Variants in ZNF804B observed in about 807,000 individuals in gnomAD.
The protein encoded by ZNF804B is zinc finger 804B.
Under a neutral mutation model 101.4 loss-of-function variants are expected in ZNF804B, and 80 were observed. The ratio of observed to expected loss-of-function variants is 0.79; its 90% CI spans 0.66 to 0.95. ZNF804B has a LOEUF of 0.95. Among genes scored for constraint, ZNF804B ranks in the 40% least tolerant of loss-of-function variants. The pLI, the probability that ZNF804B is intolerant of heterozygous loss-of-function variation, is 0.00. For missense variants in ZNF804B, 1,673 were observed against 1,561.9 expected (o/e 1.07, Z -1.20); for synonymous variants, 622 against 558.8 (o/e 1.11, Z -1.59).
chr7:89,320,636 T>G (rs956183859), intron 2 of ZNF804B, among the ~76,000 whole-genome samples: 4 of 151,988 alleles, frequency 2.6e-5, no homozygotes, highest in Non-Finnish European at 5.9e-5. Context: ...TTACCAAAAT[T>G]AATAAAAGAT....
At chr7:89,332,811 T>C (rs1791006953) in intron 3 of ZNF804B, among the ~76,000 whole-genome samples, 1 of 151,868 alleles carries the variant, frequency 6.6e-6, no homozygotes, top group South Asian at 2.1e-4. Flanking sequence ...ATGCATTTAT[T>C]ATAATTAGTC....
intron 2 of ZNF804B, among the ~76,000 whole-genome samples, chr7:89,219,324 G>T (rs529029579): frequency 3.3e-5 from 5 of 149,650 alleles, no homozygotes; most frequent in Non-Finnish European, 5.9e-5. Context: ...CTCAATAAAA[G>T]ATTACATTTT....
chr7:89,238,422 G>A (rs543358868), intron 2 of ZNF804B, among the ~76,000 whole-genome samples: 1 of 152,230 alleles, frequency 6.6e-6, no homozygotes, highest in Admixed American at 6.5e-5. Flanking sequence ...AATCATTTTA[G>A]TGGGTTGCAA....
chr7:89,251,028 G>T (rs578101623), intron 2 of ZNF804B, among the ~76,000 whole-genome samples: 71 of 152,274 alleles, frequency 4.7e-4, no homozygotes, highest in African/African-American at 1.6e-3. Flanking sequence ...TTGAGAACTG[G>T]AACAAGGCAA....
Position 89,334,303 on chromosome 7 carries a change from C to G in ZNF804B, c.1321C>G (p.Leu441Val), listed in dbSNP as rs1791037149. The G allele has an allele frequency of 5.6e-6, 9 of 1,613,870 alleles. No individual in the cohort carries two copies. In the East Asian group the frequency reaches 8.9e-5, roughly 16 times the overall value. ...ACTHNVASKP[L>V]PFLHVQSKDG... is the part of the protein sequence containing the mutation. ...TACCCATAATGTGGCATCTAAACCA[C>G]TACCTTTTCTCCACGTTCAAAGCAA... The change falls in exon 4 of 4, where the codon CTA becomes GTA. Residue 441 changes from leucine to valine, a missense_variant. Transcript: ENST00000333190.
chr7:89,027,657 G>A (rs888766685), intron 1 of ZNF804B, among the ~76,000 whole-genome samples: 1 of 152,122 alleles, frequency 6.6e-6, no homozygotes, highest in Non-Finnish European at 1.5e-5. Context: ...CCTCTCCCAG[G>A]TGGGTCTGCA....
intron 1 of ZNF804B, among the ~76,000 whole-genome samples, chr7:89,063,678 T>C (rs1415734174): frequency 6.6e-6 from 1 of 152,152 alleles, no homozygotes; most frequent in Admixed American, 6.5e-5. Flanking sequence ...TTTAAAATAT[T>C]TTCTTTGTTT....
Position 89,179,968 on chromosome 7 carries a change from C to G in ZNF804B, c.109-38187C>G, listed in dbSNP as rs190491321. ...AATTACCCAGATTATCATTCAGAGTCTCTTGTCCTCTTCCCTTACCTTTTC... is the reference window on the plus strand; with the variant it reads ...AATTACCCAGATTATCATTCAGAGTGTCTTGTCCTCTTCCCTTACCTTTTC... On this transcript the variant is annotated intron_variant, in intron 1 of 3. Coordinates refer to ENST00000333190, the MANE Select transcript of ZNF804B (RefSeq NM_181646.5). Among the ~76,000 whole-genome samples the G allele has an allele frequency of 2.0e-5, 3 of 152,258 alleles. No homozygotes were observed. In the East Asian group the frequency reaches 5.8e-4, roughly 29 times the overall value.
At chr7:89,276,046 T>C (rs1156826233) in intron 2 of ZNF804B, among the ~76,000 whole-genome samples, 2 of 151,908 alleles carry the variant, frequency 1.3e-5, no homozygotes, top group Non-Finnish European at 2.9e-5. Flanking sequence ...GAAGCCATTA[T>C]CCTTAGCAAA....
chr7:89,067,129 A>T (rs984151882), intron 1 of ZNF804B, among the ~76,000 whole-genome samples: 1 of 152,166 alleles, frequency 6.6e-6, no homozygotes, highest in Non-Finnish European at 1.5e-5. Context: ...CGATCAATCT[A>T]TCTGTCTACC....
chr7:89,018,034 T>G (rs1788598883), intron 1 of ZNF804B, among the ~76,000 whole-genome samples: 1 of 152,124 alleles, frequency 6.6e-6, no homozygotes, highest in Non-Finnish European at 1.5e-5. Flanking sequence ...TTGTTCGAGC[T>G]AGGATTTTCA....
chr7:88,771,617 G>A (rs1790065074), intron 1 of ZNF804B, among the ~76,000 whole-genome samples: 1 of 152,036 alleles, frequency 6.6e-6, no homozygotes, highest in East Asian at 1.9e-4. Context: ...ACTGGCCAAA[G>A]CAAACTTACT....
At chr7:89,074,154 G>C (rs191383095) in intron 1 of ZNF804B, among the ~76,000 whole-genome samples, 89 of 152,274 alleles carry the variant, frequency 5.8e-4, no homozygotes, top group African/African-American at 2.0e-3. Context: ...GTTCATTTAC[G>C]TGAGCCAATA....
At chr7:88,799,270 A>T (rs144771687) in intron 1 of ZNF804B, among the ~76,000 whole-genome samples, 10 of 152,242 alleles carry the variant, frequency 6.6e-5, no homozygotes, top group African/African-American at 2.4e-4. Context: ...TGTGCCATGC[A>T]CTAGATACTT....
In ZNF804B at chr7:89,186,664, G is replaced by A. The variant is rs528185161; in HGVS notation, c.109-31491G>A. Among the ~76,000 whole-genome samples, 8 of 151,330 alleles carry A rather than the reference G, an allele frequency of 5.3e-5. No individual in the cohort carries two copies. The East Asian group carries it at 7.8e-4, about 15-fold the overall frequency. ...TATAAAAGGGCAAACAACTTTGTTC[G>A]TGTCTGAGGAATAGTTCCTGGTAAA... On this transcript the variant is annotated intron_variant, in intron 1 of 3. Coordinates refer to ENST00000333190, the MANE Select transcript of ZNF804B (RefSeq NM_181646.5).
chr7:88,786,119 A>G (rs1003727172), intron 1 of ZNF804B, among the ~76,000 whole-genome samples: 1 of 152,158 alleles, frequency 6.6e-6, no homozygotes, highest in Non-Finnish European at 1.5e-5. Flanking sequence ...TCCTTGCTGA[A>G]TAACTAAATG....
At chr7:89,166,536 A>G (rs1161187938) in intron 1 of ZNF804B, among the ~76,000 whole-genome samples, 1 of 152,166 alleles carries the variant, frequency 6.6e-6, no homozygotes, top group African/African-American at 2.4e-5. Flanking sequence ...TCTGTCTGCA[A>G]TAGTAGGCAA....
intron 1 of ZNF804B, among the ~76,000 whole-genome samples, chr7:89,042,570 T>G (rs936763701): frequency 6.6e-6 from 1 of 152,214 alleles, no homozygotes; most frequent in African/African-American, 2.4e-5. Context: ...TTTTCCTATA[T>G]AGTTAAGTTA....
At chr7:88,931,831 T>C (rs182578281) in intron 1 of ZNF804B, among the ~76,000 whole-genome samples, 2 of 151,984 alleles carry the variant, frequency 1.3e-5, no homozygotes, top group Admixed American at 1.3e-4. Context: ...TTTAAAAAAC[T>C]TCAAAACACT....
Sources: allele counts gnomAD v4.1 joint callset (sites outside exome capture counted in the v4.1 genomes callset), GRCh38; gene constraint gnomAD v4.1.1; transcripts MANE v1.5; gene names NCBI Gene and HGNC (gene_info 2026-07-23, HGNC 2026-07-21).